KIF9: variants seen among roughly 807,000 people sequenced by gnomAD.
KIF9 encodes the protein kinesin-like protein KIF9.
Under a neutral mutation model 94.8 loss-of-function variants are expected in KIF9, and 68 were observed. That is an observed-to-expected ratio of 0.72 (90% CI 0.59 to 0.88). The LOEUF is 0.88. Ranked by LOEUF, KIF9 falls within the 40% of genes least tolerant of loss-of-function variation. The pLI is 0.00. For synonymous variants in KIF9, 343 were observed against 362.1 expected (o/e 0.95, Z 0.60); for missense variants, 882 against 982.5 (o/e 0.90, Z 1.37).
At chr3:47,249,642 G>T (rs1700142684) in intron 10 of KIF9, among the ~76,000 whole-genome samples, 1 of 152,262 alleles carries the variant, frequency 6.6e-6, no homozygotes, top group East Asian at 1.9e-4. Context: ...TTCTGCCTCT[G>T]CATTGCTTGT....
Position 47,241,702 on chromosome 3 carries a change from C to T in KIF9, c.1710-687G>A, listed in dbSNP as rs1243207648. ...ACATATATGCATATATACATATATG[C>T]ATACACACACACATATAAAACATTT... On this transcript the variant is annotated intron_variant, in intron 16 of 20. Transcript: ENST00000684063. Among the ~76,000 whole-genome samples the T allele has an allele frequency of 2.0e-5, 3 of 147,506 alleles. No individual in the cohort carries two copies. In the Admixed American group the frequency reaches 2.1e-4, roughly 10 times the overall value.
rs555567134 is a variant in KIF9, at chr3:47,231,447, G to A, written c.2323-2745C>T. Reference sequence around the variant, plus strand: ...TTTTTTTTTTAGACAGTTTCTCTTCGTTGCCCAGGCTGGAGTGCAGTGGTG... The same window carrying A: ...TTTTTTTTTTAGACAGTTTCTCTTCATTGCCCAGGCTGGAGTGCAGTGGTG... On this transcript the variant is annotated intron_variant, in intron 20 of 20. Transcript: ENST00000684063. 1.9e-3 allele frequency among the ~76,000 whole-genome samples: 194 copies of A among 103,344 alleles called. No homozygotes were observed. In the Middle Eastern group the frequency reaches 0.048, roughly 25 times the overall value. 67.8% of individuals were successfully genotyped at this position (103,344 alleles called of 152,430 possible).
chr3:47,268,459 T>C (rs746185036), intron 5 of KIF9, among the ~76,000 whole-genome samples: 1 of 152,172 alleles, frequency 6.6e-6, no homozygotes, highest in Non-Finnish European at 1.5e-5. Flanking sequence ...GGAGCAAGCC[T>C]AGCAGACTCC....
At chr3:47,270,536 T>A (rs1269536139) in intron 5 of KIF9, among the ~76,000 whole-genome samples, 2 of 152,050 alleles carry the variant, frequency 1.3e-5, no homozygotes, top group African/African-American at 4.8e-5. Context: ...ATTACAGGCA[T>A]CACCCACTGC....
Position 47,236,573 on chromosome 3 carries a change from G to T in KIF9, c.1971C>A (p.Phe657Leu). 6.2e-7 allele frequency: 1 copy of T among 1,614,042 alleles called. No homozygotes were observed. Among genetic ancestry groups the T allele is most frequent in the Non-Finnish European group, 8.5e-7 (1 of 1,180,020 alleles). The change falls in exon 18 of 21, where the codon TTC (phenylalanine) becomes TTA (leucine). Residue 657 changes from phenylalanine to leucine, a missense_variant. Phe to Leu is a conservative substitution (Grantham distance 22, BLOSUM62 0). Coordinates refer to ENST00000684063, the MANE Select transcript of KIF9 (RefSeq NM_182902.4). ...KGLMIIDEEE[F>L]LLILKLKDLK... ...GGTCTTTGAGCTTGAGGATCAGCAG[G>T]AATTCTTCCTCATCGATGATCATCA...
At chr3:47,239,903 T>TG in intron 17 of KIF9, 1 of 1,367,892 alleles carries the variant, frequency 7.3e-7, no homozygotes, top group South Asian at 1.1e-5. Context: ...CAGTAACCTG[T>TG]GGTGTTTCCT....
chr3:47,233,386 AG>A (rs1698759002), intron 20 of KIF9, among the ~76,000 whole-genome samples: 2 of 147,690 alleles, frequency 1.4e-5, no homozygotes, highest in South Asian at 4.3e-4. Context: ...AAAAAAAAAA[AG>A]TTCCTAAAAA....
At chr3:47,274,746 G>T (rs192255818) in intron 3 of KIF9, among the ~76,000 whole-genome samples, 78 of 152,284 alleles carry the variant, frequency 5.1e-4, no homozygotes, top group South Asian at 2.1e-3. Flanking sequence ...AACCAAAAGA[G>T]AACCTCCTTA....
intron 9 of KIF9, among the ~76,000 whole-genome samples, chr3:47,258,238 TTTTG>T (rs922987990): frequency 6.6e-6 from 1 of 151,940 alleles, no homozygotes; most frequent in African/African-American, 2.4e-5. Flanking sequence ...GTTTGTGGGG[TTTTG>T]TTTGTTTTGT....
At chr3:47,273,453 C>G (rs1701768658) in intron 4 of KIF9, 99 bp downstream of exon 4, 2 of 874,662 alleles carry the variant, frequency 2.3e-6, no homozygotes, top group African/African-American at 3.4e-5. Context: ...CCTTTGAGGC[C>G]TGGTCCCCAC....
chr3:47,264,372 A>G, intron 8 of KIF9, 22 bp from the exon 9 acceptor site: 2 of 1,602,174 alleles, frequency 1.2e-6, no homozygotes, highest in Non-Finnish European at 1.7e-6. Flanking sequence ...AAGACACAGA[A>G]GGGCTATGAA....
At chr3:47,264,862 G>C (rs1259575042) in intron 8 of KIF9, among the ~76,000 whole-genome samples, 2 of 152,208 alleles carry the variant, frequency 1.3e-5, no homozygotes, top group African/African-American at 2.4e-5. Flanking sequence ...AGAGGGTGGG[G>C]CCCCCATGAT....
At position 47,257,006 on chromosome 3, in the gene KIF9, G is replaced by C. The variant is rs562310866; in HGVS notation, c.1059+477C>G. On this transcript the variant is annotated intron_variant, in intron 10 of 20. Coordinates refer to ENST00000684063, the MANE Select transcript of KIF9 (RefSeq NM_182902.4). Reference sequence around the variant, plus strand: ...AAGTACCCGGAGACACAAACACTGCGGAAGGCCAGAGGGTCCTCTGCCTAG... The same window carrying C: ...AAGTACCCGGAGACACAAACACTGCCGAAGGCCAGAGGGTCCTCTGCCTAG... Among the ~76,000 whole-genome samples the C allele has an allele frequency of 2.0e-5, 3 of 152,172 alleles. No individual in the cohort carries two copies. In the South Asian group the frequency reaches 6.2e-4, roughly 32 times the overall value.
chr3:47,236,520 T>C lies in KIF9; in HGVS notation c.2024A>G (p.Gln675Arg). The C allele has an allele frequency of 6.2e-7, 1 of 1,614,074 alleles. No homozygotes were observed. Among genetic ancestry groups the C allele is most frequent in the Non-Finnish European group, 8.5e-7 (1 of 1,179,990 alleles). The change falls in exon 18 of 21, where the codon CAG becomes CGG. Residue 675 changes from glutamine (Q) to arginine (R), a missense_variant. Gln to Arg is a conservative substitution (Grantham distance 43). Coordinates refer to ENST00000684063, the MANE Select transcript of KIF9 (RefSeq NM_182902.4). ...DLKKQYRSEY[Q>R]DLRDLRAEIQ... ...CTCAGCCCTGAGGTCACGCAGGTCC[T>C]GGTACTCGCTGCGGTACTGCTTCTT... is the stretch of plus-strand genomic sequence containing the variant.
rs1032848253 is a variant in KIF9 at position 47,235,253 on chromosome 3, C to T, written c.2322+260G>A. ...TGACAGGTGGAAGCCTCAGGGGATC[C>T]CTGGGCCTTGTTCTGCGAACCATAC... On this transcript the variant is annotated intron_variant, in intron 20 of 20. Transcript: ENST00000684063. Among the ~76,000 whole-genome samples, 7 of 152,170 alleles carry T rather than the reference C, an allele frequency of 4.6e-5. No homozygotes were observed. The East Asian group carries it at 9.6e-4, about 21-fold the overall frequency.
Position 47,265,794 on chromosome 3 carries a change from G to T in KIF9, c.852C>A (p.Asp284Glu), listed in dbSNP as rs191063331. The change falls in exon 8 of 21, where the codon GAC becomes GAA. Residue 284 changes from aspartate to glutamate, a missense_variant. Asp to Glu is a conservative substitution (Grantham distance 45, BLOSUM62 2). Transcript: ENST00000684063. ...FLEQAIIALG[D>E]QKRDHIPFRQ... ...GAAAGGGGATGTGGTCCCGCTTCTG[G>T]TCCCCAAGGGCAATGATGGCCTGCT... 9 of 1,614,168 alleles carry T rather than the reference G, an allele frequency of 5.6e-6. No individual in the cohort carries two copies. The highest frequency in any genetic ancestry group is 7.6e-6 in the Non-Finnish European group (9 of 1,180,032).
chr3:47,230,995 C>T (rs1437861646), intron 20 of KIF9, among the ~76,000 whole-genome samples: 1 of 152,018 alleles, frequency 6.6e-6, no homozygotes, highest in African/African-American at 2.4e-5. Context: ...GCCGAGATTG[C>T]GCCACTTCAC....
At chr3:47,263,574 A>G in intron 9 of KIF9, 1 of 255,812 alleles carries the variant, frequency 3.9e-6, no homozygotes, top group Non-Finnish European at 7.8e-6. Context: ...TCACATCTTC[A>G]GTCCCACTAT....
At position 47,241,011 on chromosome 3, in the gene KIF9, C is replaced by T. The variant is rs745616983; in HGVS notation, c.1714G>A (p.Asp572Asn). Residue 572 changes from aspartate to asparagine, a missense_variant, in exon 17 of 21, where the codon GAC (aspartate) becomes AAC (asparagine). Coordinates refer to ENST00000684063, the MANE Select transcript of KIF9 (RefSeq NM_182902.4). ...GCCACTGGTTTGGAGGGTGGGGTGT[C>T]GGGCCTTGAGATGAAAAGGTGAGAC... is the stretch of plus-strand genomic sequence containing the variant. ...PKEELRPIRP[D>N]TPPSKPVAFE... 1.6e-5 allele frequency: 26 copies of T among 1,613,898 alleles called. No homozygotes were observed. In the Middle Eastern group the frequency reaches 4.9e-4, roughly 31 times the overall value.
Sources: gnomAD v4.1 joint callset for allele counts (sites outside exome capture counted in the v4.1 genomes callset) on GRCh38, gnomAD v4.1.1 for gene constraint, MANE v1.5 for transcripts, NCBI Gene and HGNC (gene_info 2026-07-23, HGNC 2026-07-21) for gene names.